ZNF142: variants seen among roughly 807,000 people sequenced by gnomAD.
ZNF142 encodes the protein zinc finger protein 142 (clone pHZ-49).
A neutral mutation model predicts 132.1 loss-of-function variants in ZNF142; 96 were observed. The ratio of observed to expected loss-of-function variants is 0.73; its 90% CI spans 0.62 to 0.86. The LOEUF (loss-of-function observed/expected upper bound fraction) is 0.86. ZNF142 is among the 40% of genes least tolerant of loss of function. The pLI, the probability that ZNF142 is intolerant of heterozygous loss-of-function variation, is 0.00. For missense variants in ZNF142, 2,163 were observed against 2,336.2 expected, an observed-to-expected ratio of 0.93 and a Z score of 1.53; for synonymous variants, 842 against 890.1, an observed-to-expected ratio of 0.95 and a Z score of 0.96.
rs78581214 is a variant in ZNF142, at chr2:218,648,543, G to A, written c.1873+92C>T. On this transcript the variant is annotated intron_variant, in intron 7 of 10. Coordinates refer to ENST00000411696, the MANE Select transcript of ZNF142 (RefSeq NM_001379659.1). ...GCTAGATCTATCTCTAGGAATTTTG[G>A]GTCAAATGAGAAAACGTATGCAAGA... 1,949 of 1,264,054 alleles carry A rather than the reference G, an allele frequency of 1.5e-3. 16 individuals are homozygous for A. In the African/African-American group the frequency reaches 0.02, roughly 13 times the overall value. 78.3% of individuals were successfully genotyped at this position (1,264,054 alleles called of 1,614,324 possible). A position where few individuals can be genotyped will look rare whatever the true frequency, so the allele number is the denominator to read the frequency against.
chr2:218,655,591 G>A (rs757966771), intron 4 of ZNF142, among the ~76,000 whole-genome samples: 20 of 152,140 alleles, frequency 1.3e-4, no homozygotes, highest in Non-Finnish European at 2.5e-4. Context: ...CTGGGCTCAA[G>A]CAATCTTCCT....
Position 218,638,295 on chromosome 2 carries a change from T to A in ZNF142, c.*44A>T. On this transcript the variant is annotated 3_prime_UTR_variant, in exon 11 of 11. Transcript: ENST00000411696. ...GCTAGCGCTGGTCCCAGTCTGCACA[T>A]CTCAGACCATACCCTCTTCCTATAC... The A allele has an allele frequency of 2.7e-6, 4 of 1,464,662 alleles. No homozygotes were observed. Among genetic ancestry groups the A allele is most frequent in the Non-Finnish European group, 3.6e-6 (4 of 1,104,934 alleles). 90.7% of individuals were successfully genotyped at this position (1,464,662 alleles called of 1,614,324 possible).
In ZNF142 at chr2:218,644,022, C is replaced by T. The variant is rs1231129118; in HGVS notation, c.3094G>A (p.Glu1032Lys). Residue 1032 changes from glutamate to lysine, a missense_variant, in exon 9 of 11, where the codon GAG becomes AAG. By Grantham distance (56) the Glu-to-Lys change is moderately conservative. Transcript: ENST00000411696. This position sits in a 1 kb window ranked among gnomAD's most constrained non-coding sequence, Gnocchi z 4.6. ...GRVQMVVIQG[E>K]GRAFRCPHCP... is the part of the protein sequence containing the mutation. The stretch of plus-strand genomic sequence containing the variant: ...TGTGGGCAGCGGAAGGCTCGCCCCT[C>T]TCCCTGGATCACTACCATCTGCACC... The T allele has an allele frequency of 1.2e-6, 2 of 1,614,128 alleles. No homozygotes were observed. The highest frequency in any genetic ancestry group is 1.7e-5 in the Admixed American group (1 of 60,026).
rs1937669892 is a variant in ZNF142 at position 218,648,690 on chromosome 2, G to A, written c.1818C>T (p.Cys606=). 6 of 1,614,212 alleles carry A rather than the reference G, an allele frequency of 3.7e-6. No individual in the cohort carries two copies. In the Middle Eastern group the frequency reaches 4.9e-4, roughly 133 times the overall value. ...AHEKIHQCPE[C]NFATAHKRVL... ...CCCTCTTGTGGGCAGTGGCAAAGTT[G>A]CACTCAGGACACTGGTGGATCTTTT... is the stretch of plus-strand genomic sequence containing the variant. The change falls in exon 7 of 11, where the codon TGC becomes TGT. Residue 606 remains cysteine, a synonymous_variant. Transcript: ENST00000411696.
chr2:218,640,143 A>G (rs1277152001), intron 10 of ZNF142, among the ~76,000 whole-genome samples: 3 of 151,264 alleles, frequency 2.0e-5, no homozygotes, highest in Non-Finnish European at 4.4e-5. Flanking sequence ...TCATAAAAGC[A>G]GAGGGCCTTG....
rs771475326 is a variant in ZNF142 at position 218,642,854 on chromosome 2, C to T, written c.4262G>A (p.Arg1421Gln). ...RRYRLEAHQS[R>Q]HTGIGRIPCS... ...GGGGATGCGGCCAATGCCTGTGTGT[C>T]GGGACTGGTGAGCCTCTAACCGGTA... The change falls in exon 9 of 11, where the codon CGA becomes CAA. Residue 1421 changes from arginine (R) to glutamine (Q), a missense_variant. Arg to Gln is a conservative substitution (Grantham distance 43). Transcript: ENST00000411696. The surrounding 1 kb of genome is among the most constrained non-coding windows in gnomAD (Gnocchi z 4.6). 20 of 1,614,134 alleles carry T rather than the reference C, an allele frequency of 1.2e-5. No individual in the cohort carries two copies. Among genetic ancestry groups the T allele is most frequent in the African/African-American group, 4.0e-5 (3 of 75,048 alleles).
chr2:218,634,526 G>A lies in ZNF142; in HGVS notation c.*3813C>T, dbSNP rs755755440. On this transcript the variant is annotated 3_prime_UTR_variant, in exon 11 of 11. Coordinates refer to ENST00000411696, the MANE Select transcript of ZNF142 (RefSeq NM_001379659.1). The surrounding 1 kb of genome is among the most constrained non-coding windows in gnomAD (Gnocchi z 4.0). ...TGATGGGCATTTCCGCCAGAATGGC[G>A]GCTGTGGCTATGTGCTGAAGCCAGA... 8.1e-6 allele frequency: 13 copies of A among 1,613,952 alleles called. No homozygotes were observed. The highest frequency in any genetic ancestry group is 6.7e-5 in the Admixed American group (4 of 60,010).
intron 4 of ZNF142, 52 bp downstream of exon 4, chr2:218,656,098 C>A: frequency 6.9e-7 from 1 of 1,444,204 alleles, no homozygotes; most frequent in Non-Finnish European, 9.2e-7. Flanking sequence ...ATAACCCAGA[C>A]AAAACCTCAG....
At chr2:218,649,596 C>A (rs988099181) in intron 6 of ZNF142, 137 bp from the exon 7 acceptor site, 19 of 832,568 alleles carry the variant, frequency 2.3e-5, no homozygotes, top group Non-Finnish European at 3.3e-5. Context: ...GTCTCAAATA[C>A]TGTAGTCTCA....
rs983493144 is a variant in ZNF142, at chr2:218,636,072, T to A, written c.*2267A>T. Reference sequence around the variant, plus strand: ...GTGGAACAGTACAAAGAATCCTGGCTCTTCACTTAAAAGCTCCAGTGACCT... The same window carrying A: ...GTGGAACAGTACAAAGAATCCTGGCACTTCACTTAAAAGCTCCAGTGACCT... On this transcript the variant is annotated 3_prime_UTR_variant, in exon 11 of 11. Coordinates refer to ENST00000411696, the MANE Select transcript of ZNF142 (RefSeq NM_001379659.1). The A allele has an allele frequency of 2.1e-6, 3 of 1,446,122 alleles. No homozygotes were observed. The African/African-American group carries it at 4.2e-5, about 20-fold the overall frequency. The allele number at this position is 1,446,122 out of a possible 1,614,324, so 89.6% of individuals were successfully genotyped here.
intron 9 of ZNF142, 86 bp downstream of exon 9, chr2:218,641,941 TG>T: frequency 1.3e-6 from 2 of 1,487,538 alleles, no homozygotes; most frequent in Non-Finnish European, 9.0e-7. Context: ...AGCTAATATC[TG>T]GAGGAGTCAG....
At position 218,652,003 on chromosome 2, in the gene ZNF142, A is replaced by T; in HGVS notation, c.578T>A (p.Phe193Tyr). The T allele has an allele frequency of 1.5e-6, 1 of 685,888 alleles. No individual in the cohort carries two copies. Among genetic ancestry groups the T allele is most frequent in the Non-Finnish European group, 2.3e-6 (1 of 436,720 alleles). 42.5% of individuals were successfully genotyped at this position (685,888 alleles called of 1,614,324 possible). The stretch of plus-strand genomic sequence containing the variant: ...CACACAGCCAGATTCTGGGCAGGAG[A>T]AGGTGTCAGGAGTGCCCCGGTGAAT... ...FKIHRGTPDT[F>Y]SCPESGCVFS... The change falls in exon 5 of 11, where the codon TTC becomes TAC. Residue 193 changes from phenylalanine to tyrosine, a missense_variant. Phe to Tyr is a conservative substitution (Grantham distance 22). Coordinates refer to ENST00000411696, the MANE Select transcript of ZNF142 (RefSeq NM_001379659.1).
chr2:218,642,911 C>G lies in ZNF142; in HGVS notation c.4205G>C (p.Cys1402Ser). The change falls in exon 9 of 11, where the codon TGC becomes TCC. Residue 1402 changes from cysteine (C) to serine (S), a missense_variant. Cys to Ser is a moderately radical substitution (Grantham distance 112). Around this residue, in one of 7 missense-constraint regions of ZNF142, gnomAD observed 809 missense variants for 801.7 expected, o/e 1.01. Coordinates refer to ENST00000411696, the MANE Select transcript of ZNF142 (RefSeq NM_001379659.1). This position sits in a 1 kb window ranked among gnomAD's most constrained non-coding sequence, Gnocchi z 4.6. Reference sequence around the variant, plus strand: ...GGTGGTCGAAAAGTCACAGAAGGGGCACTGATGGGGCTTCACCCCCTCGTG... The same window carrying G: ...GGTGGTCGAAAAGTCACAGAAGGGGGACTGATGGGGCTTCACCCCCTCGTG... ...LKHEGVKPHQ[C>S]PFCDFSTTRR... The G allele has an allele frequency of 6.2e-7, 1 of 1,613,968 alleles. No homozygotes were observed. The highest frequency in any genetic ancestry group is 8.5e-7 in the Non-Finnish European group (1 of 1,180,028).
Position 218,644,947 on chromosome 2 carries a change from C to A in ZNF142, c.2169G>T (p.Arg723=), listed in dbSNP as rs894496210. 1.2e-6 allele frequency: 2 copies of A among 1,614,044 alleles called. No individual in the cohort carries two copies. Among genetic ancestry groups the A allele is most frequent in the African/African-American group, 1.3e-5 (1 of 74,906 alleles). Reference sequence around the variant, plus strand: ...CCATGTGCTTCTGCAGCTCATACTTCCGCTTGCAGGCGAAGGCACACACCT... The same window carrying A: ...CCATGTGCTTCTGCAGCTCATACTTACGCTTGCAGGCGAAGGCACACACCT... ...MCEVCAFACK[R]KYELQKHMAS... Residue 723 remains arginine, a synonymous_variant, in exon 9 of 11, where the codon CGG becomes CGT. Coordinates refer to ENST00000411696, the MANE Select transcript of ZNF142 (RefSeq NM_001379659.1). This position sits in a 1 kb window ranked among gnomAD's most constrained non-coding sequence, Gnocchi z 4.6.
chr2:218,650,986 TC>T (rs1937931597), intron 5 of ZNF142, among the ~76,000 whole-genome samples: 2 of 121,948 alleles, frequency 1.6e-5, no homozygotes, highest in Non-Finnish European at 3.4e-5. Context: ...TTTCTTTACT[TC>T]TTTTTTTTTT....
At chr2:218,638,910 G>T in intron 10 of ZNF142, 102 bp from the exon 11 acceptor site, 1 of 881,270 alleles carries the variant, frequency 1.1e-6, no homozygotes, top group Non-Finnish European at 1.7e-6. Flanking sequence ...CAAGCAGCAA[G>T]TTGACTAATG....
Position 218,648,642 on chromosome 2 carries a change from T to C in ZNF142, c.1866A>G (p.Leu622=). 3 of 1,612,802 alleles carry C rather than the reference T, an allele frequency of 1.9e-6. No homozygotes were observed. Among genetic ancestry groups the C allele is most frequent in the East Asian group, 2.2e-5 (1 of 44,848 alleles). ...GGATGGAAACCATCCTACCCGTATG[T>C]AGAAGCATGTGTCGGATGAGCACCC... The part of the protein sequence containing the change: ...HKRVLIRHML[L]HTGEKPHKCE... Residue 622 remains leucine, a synonymous_variant, in exon 7 of 11, where the codon CTA becomes CTG. Transcript: ENST00000411696.
In ZNF142 at chr2:218,643,343, TTTCCTCCCCCG is replaced by T; in HGVS notation, c.3762_3772del (p.Gly1255ThrfsTer9). On this transcript the variant is annotated frameshift_variant, in exon 9 of 11. Coordinates refer to ENST00000411696, the MANE Select transcript of ZNF142 (RefSeq NM_001379659.1). LOFTEE classifies it high-confidence loss of function. ...AGGCTGGGTCTGGGGGGTCCCTCGT[TTTCCTCCCCCG>T]CCACGTCCCCCCCTGCAGCCTTCAG... is the stretch of plus-strand genomic sequence containing the variant. 2 of 1,614,160 alleles carry T rather than the reference TTTCCTCCCCCG, an allele frequency of 1.2e-6. No homozygotes were observed. Among genetic ancestry groups the T allele is most frequent in the Non-Finnish European group, 1.7e-6 (2 of 1,180,012 alleles).
Position 218,656,146 on chromosome 2 carries a change from G to A in ZNF142, c.280+4C>T. On this transcript the variant is annotated splice_donor_region_variant and intron_variant, in intron 4 of 10. Coordinates refer to ENST00000411696, the MANE Select transcript of ZNF142 (RefSeq NM_001379659.1). ...CACTGGCCTGCTTGCAACTGTGTTT[G>A]TACCTGGGGTCTCTCCAGGAGCACC... The A allele has an allele frequency of 6.4e-7, 1 of 1,558,564 alleles. No individual in the cohort carries two copies. The highest frequency in any genetic ancestry group is 8.7e-7 in the Non-Finnish European group (1 of 1,147,746).
Sources: gnomAD v4.1 joint callset for allele counts (sites outside exome capture counted in the v4.1 genomes callset) on GRCh38, gnomAD v4.1.1 for gene constraint, gnomAD v4.1.1 regional missense constraint, Gnocchi (gnomAD v3.1) non-coding constraint, MANE v1.5 for transcripts, NCBI Gene and HGNC (gene_info 2026-07-23, HGNC 2026-07-21) for gene names.